Variants in DCC observed in about 807,000 individuals in gnomAD.
DCC encodes the protein DCC netrin 1 receptor, also known as netrin receptor DCC.
A neutral mutation model predicts 172.5 loss-of-function variants in DCC; 58 were observed. The ratio of observed to expected loss-of-function variants is 0.34; its 90% confidence interval spans 0.27 to 0.42. DCC has a LOEUF of 0.42. Among genes scored for constraint, DCC ranks in the 10% least tolerant of loss-of-function variants. The pLI, the probability that DCC is intolerant of heterozygous loss-of-function variation, is 1.00. For missense variants in DCC, 1,740 were observed against 1,791.0 expected (o/e 0.97, Z 0.51); for synonymous variants, 709 against 644.5 (o/e 1.10, Z -1.52).
Position 53,064,514 on chromosome 18 carries a change from C to T in DCC, c.1140+1055C>T, listed in dbSNP as rs748181398. 9.5e-4 allele frequency among the ~76,000 whole-genome samples: 145 copies of T among 152,118 alleles called. 2 individuals are homozygous for T. The highest frequency in any genetic ancestry group is 3.1e-3 in the Admixed American group (48 of 15,256). On this transcript the variant is annotated intron_variant, in intron 6 of 28. Coordinates refer to ENST00000442544, the MANE Select transcript of DCC (RefSeq NM_005215.4). ...TCCTATGAGTCCAGACACAAGCTCT[C>T]TCCATCGTATTACAATGGCCTTTGT...
chr18:53,247,449 C>T (rs1001230690), intron 12 of DCC, among the ~76,000 whole-genome samples: 11 of 151,818 alleles, frequency 7.2e-5, no homozygotes, highest in East Asian at 1.9e-4. Context: ...TTTTACAAAC[C>T]GACATTAAAC....
At position 52,914,440 on chromosome 18, in the gene DCC, C is replaced by T. The variant is rs941487308; in HGVS notation, c.697+8112C>T. 1.1e-4 allele frequency among the ~76,000 whole-genome samples: 17 copies of T among 152,222 alleles called. No homozygotes were observed. In the East Asian group the frequency reaches 1.7e-3, roughly 16 times the overall value. Reference sequence around the variant, plus strand: ...AGGAATATTTACAGAGAGGGAATGTCATTTTTAGTACTGAATTGGTGTAAA... The same window carrying T: ...AGGAATATTTACAGAGAGGGAATGTTATTTTTAGTACTGAATTGGTGTAAA... On this transcript the variant is annotated intron_variant, in intron 3 of 28. Coordinates refer to ENST00000442544, the MANE Select transcript of DCC (RefSeq NM_005215.4).
At chr18:52,497,275 AAAAAAATATATATAT>A (rs1299003403) in intron 1 of DCC, among the ~76,000 whole-genome samples, 2,757 of 44,236 alleles carry the variant, frequency 0.062, 533 homozygotes, top group Non-Finnish European at 0.083. Flanking sequence ...AAAAAAAAAA[AAAAAAATATATATAT>A]ATATATATAT....
intron 2 of DCC, among the ~76,000 whole-genome samples, chr18:52,891,310 A>G (rs2039647204): frequency 6.6e-6 from 1 of 152,000 alleles, no homozygotes; most frequent in African/African-American, 2.4e-5. Flanking sequence ...AATGTTTATA[A>G]TTTGCTTCAG....
intron 1 of DCC, among the ~76,000 whole-genome samples, chr18:52,387,026 G>C (rs1022809646): frequency 5.9e-5 from 9 of 152,100 alleles, no homozygotes; most frequent in African/African-American, 2.2e-4. Flanking sequence ...TAGCTAAGGT[G>C]AGATGTATGA....
rs369429443 is a variant in DCC, at chr18:53,059,592, T to C, written c.986-3713T>C. 1.6e-3 allele frequency among the ~76,000 whole-genome samples: 240 copies of C among 152,298 alleles called. 1 individual carries two copies. Among genetic ancestry groups the C allele is most frequent in the African/African-American group, 5.0e-3 (206 of 41,588 alleles). ...TTTTGCTCAGCGAACTTGGAAGATA[T>C]GCTTTAATATTTCTGAAAAGTATTC... On this transcript the variant is annotated intron_variant, in intron 5 of 28. Coordinates refer to ENST00000442544, the MANE Select transcript of DCC (RefSeq NM_005215.4).
chr18:53,075,924 CA>C (rs998192685), intron 7 of DCC, among the ~76,000 whole-genome samples: 1 of 152,158 alleles, frequency 6.6e-6, no homozygotes, highest in African/African-American at 2.4e-5. Flanking sequence ...CTCTTACTCT[CA>C]GCTAGCATCT....
intron 2 of DCC, among the ~76,000 whole-genome samples, chr18:52,852,104 C>A (rs1193036531): frequency 6.6e-6 from 1 of 152,094 alleles, no homozygotes; most frequent in African/African-American, 2.4e-5. Context: ...GGCATCCTAT[C>A]TAAAAGGCTG....
intron 1 of DCC, among the ~76,000 whole-genome samples, chr18:52,625,361 C>A (rs2034554182): frequency 6.6e-6 from 1 of 152,104 alleles, no homozygotes; most frequent in South Asian, 2.1e-4. Context: ...TTGATTCATT[C>A]ATTTATTCAT....
intron 5 of DCC, among the ~76,000 whole-genome samples, chr18:53,003,054 G>A (rs2041590399): frequency 6.6e-6 from 1 of 152,066 alleles, no homozygotes; most frequent in Non-Finnish European, 1.5e-5. Context: ...TAGCTTTAGG[G>A]GGAAAAGTTG....
intron 14 of DCC, among the ~76,000 whole-genome samples, chr18:53,330,246 G>A (rs2057515675): frequency 6.6e-6 from 1 of 152,096 alleles, no homozygotes; most frequent in African/African-American, 2.4e-5. Context: ...ATCTTTCAAA[G>A]TATCATTTCC....
rs754671223 is a variant in DCC, at chr18:52,862,724, T to TA, written c.413-43312dup. Among the ~76,000 whole-genome samples the TA allele has an allele frequency of 1.8e-3, 278 of 151,786 alleles. 3 individuals carry two copies. Among genetic ancestry groups the TA allele is most frequent in the Non-Finnish European group, 1.1e-3 (77 of 67,906 alleles). On this transcript the variant is annotated intron_variant, in intron 2 of 28. Coordinates refer to ENST00000442544, the MANE Select transcript of DCC (RefSeq NM_005215.4). Reference sequence around the variant, plus strand: ...CAAAAAAATATATAACTAAAAAAATTAAAAAAAATTCAAAAATCAAAAACA... The same window carrying TA: ...CAAAAAAATATATAACTAAAAAAATTAAAAAAAAATTCAAAAATCAAAAACA...
chr18:53,517,586 A>T (rs2046351517), intron 27 of DCC, among the ~76,000 whole-genome samples: 1 of 152,130 alleles, frequency 6.6e-6, no homozygotes. Flanking sequence ...TTTCACAGAC[A>T]GGTGGCCCAA....
At chr18:52,892,060 C>T (rs944823064) in intron 2 of DCC, among the ~76,000 whole-genome samples, 1 of 152,134 alleles carries the variant, frequency 6.6e-6, no homozygotes, top group South Asian at 2.1e-4. Flanking sequence ...ACCCTGCTTA[C>T]AGCCCCAGGT....
intron 27 of DCC, among the ~76,000 whole-genome samples, chr18:53,502,058 C>A (rs1401746208): frequency 6.6e-6 from 1 of 152,148 alleles, no homozygotes; most frequent in African/African-American, 2.4e-5. Flanking sequence ...ATTCTCTGAT[C>A]TAATGGCAAC....
At chr18:53,300,684 A>G (rs2144770030) in intron 12 of DCC, among the ~76,000 whole-genome samples, 1 of 152,302 alleles carries the variant, frequency 6.6e-6, no homozygotes, top group South Asian at 2.1e-4. Context: ...CCCTAGGAGC[A>G]ATATTTCAGT....
intron 17 of DCC, among the ~76,000 whole-genome samples, chr18:53,396,893 G>T (rs1908981805): frequency 6.6e-6 from 1 of 152,080 alleles, no homozygotes; most frequent in South Asian, 2.1e-4. Context: ...AGTGGAATTT[G>T]TCCTGTTGTT....
At chr18:53,495,457 T>C (rs927598031) in intron 26 of DCC, among the ~76,000 whole-genome samples, 1 of 152,026 alleles carries the variant, frequency 6.6e-6, no homozygotes, top group African/African-American at 2.4e-5. Flanking sequence ...CCACTCTTTC[T>C]GGCTTATAGA....
chr18:53,291,624 T>TC (rs1325598325), intron 12 of DCC, among the ~76,000 whole-genome samples: 2 of 152,186 alleles, frequency 1.3e-5, no homozygotes, highest in Non-Finnish European at 2.9e-5. Flanking sequence ...TACATATAAC[T>TC]CCCCTGATGT....
Sources: gnomAD v4.1 joint callset for allele counts (sites outside exome capture counted in the v4.1 genomes callset) on GRCh38, gnomAD v4.1.1 for gene constraint, MANE v1.5 for transcripts, NCBI Gene and HGNC (gene_info 2026-07-23, HGNC 2026-07-21) for gene names.